The following PIK3CB variants were observed in gnomAD, a reference collection of about 807,000 sequenced individuals.
PIK3CB encodes phosphatidylinositol 4,5-bisphosphate 3-kinase catalytic subunit beta isoform.
A neutral mutation model predicts 136.8 loss-of-function variants in PIK3CB; 39 were observed. The ratio of observed to expected loss-of-function variants is 0.29; its 90% confidence interval spans 0.22 to 0.37. The LOEUF is 0.37. PIK3CB is among the 10% of genes least tolerant of loss of function. The pLI, the probability that PIK3CB is intolerant of heterozygous loss-of-function variation, is 1.00. For missense variants in PIK3CB, 868 were observed against 1,275.4 expected, an observed-to-expected ratio of 0.68 and a Z score of 4.87; for synonymous variants, 428 against 436.6, an observed-to-expected ratio of 0.98 and a Z score of 0.25.
intron 1 of PIK3CB, among the ~76,000 whole-genome samples, chr3:138,831,601 A>C (rs1412733516): frequency 6.6e-6 from 1 of 150,802 alleles, no homozygotes; most frequent in Non-Finnish European, 1.5e-5. Context: ...AAGTAAATAA[A>C]TAAAAACAAA....
chr3:138,812,619 C>T (rs1933123874), intron 1 of PIK3CB, among the ~76,000 whole-genome samples: 3 of 151,800 alleles, frequency 2.0e-5, no homozygotes, highest in South Asian at 4.2e-4. Flanking sequence ...CCCCTGACTC[C>T]CGGGTTCAAG....
chr3:138,763,634 G>T (rs2045691399), intron 2 of PIK3CB, among the ~76,000 whole-genome samples: 1 of 152,092 alleles, frequency 6.6e-6, no homozygotes, highest in Admixed American at 6.6e-5. Flanking sequence ...AAAACTCTGG[G>T]ATCTCACCCT....
intron 2 of PIK3CB, among the ~76,000 whole-genome samples, chr3:138,787,431 A>C (rs7649131): frequency 0.034 from 5,217 of 152,116 alleles, 308 homozygotes; most frequent in African/African-American, 0.12. Context: ...ATTTACAAAG[A>C]AAAAAGCCTA....
chr3:138,698,319 G>C (rs1437025776), intron 13 of PIK3CB, among the ~76,000 whole-genome samples: 1 of 152,142 alleles, frequency 6.6e-6, no homozygotes, highest in Non-Finnish European at 1.5e-5. Flanking sequence ...GCACTGGTGG[G>C]TTGTTTGAAT....
At chr3:138,825,653 C>T in intron 1 of PIK3CB, 1 of 641,496 alleles carries the variant, frequency 1.6e-6, no homozygotes, top group Non-Finnish European at 2.9e-6. Flanking sequence ...TGCATCCTAC[C>T]ACTAACTCAT....
rs576004457 is a variant in PIK3CB at position 138,698,240 on chromosome 3, T to C, written c.1770+667A>G. Among the ~76,000 whole-genome samples, 29 of 152,228 alleles carry C rather than the reference T, an allele frequency of 1.9e-4. No homozygotes were observed. In the East Asian group the frequency reaches 5.0e-3, roughly 26 times the overall value. ...ACTGAAATAAGTAACATGAAAAAATTTGGTTATTTTAGTAGACCAAATTTA... is the reference window on the plus strand; with the variant it reads ...ACTGAAATAAGTAACATGAAAAAATCTGGTTATTTTAGTAGACCAAATTTA... On this transcript the variant is annotated intron_variant, in intron 13 of 23. Transcript: ENST00000674063.
At chr3:138,792,438 A>G (rs1454649171) in intron 2 of PIK3CB, among the ~76,000 whole-genome samples, 1 of 152,074 alleles carries the variant, frequency 6.6e-6, no homozygotes, top group Non-Finnish European at 1.5e-5. Flanking sequence ...CAGTGGTAGG[A>G]TCTGGGCTCA....
At chr3:138,667,157 C>T (rs541637857) in intron 19 of PIK3CB, among the ~76,000 whole-genome samples, 5 of 144,298 alleles carry the variant, frequency 3.5e-5, no homozygotes, top group Middle Eastern at 3.7e-3. Context: ...TGCAGTAAGC[C>T]GAGATTGCGC....
intron 5 of PIK3CB, among the ~76,000 whole-genome samples, chr3:138,738,513 A>G (rs2045164406): frequency 1.3e-5 from 2 of 152,150 alleles, no homozygotes; most frequent in Non-Finnish European, 2.9e-5. Context: ...TTAAAAACTT[A>G]CACATTTCTC....
intron 2 of PIK3CB, 108 bp from the exon 3 acceptor site, chr3:138,759,467 C>T: frequency 6.2e-6 from 4 of 640,176 alleles, no homozygotes; most frequent in African/African-American, 5.4e-5. Context: ...TCAATATAGC[C>T]AATAATGTAA....
intron 8 of PIK3CB, among the ~76,000 whole-genome samples, chr3:138,724,527 A>C (rs973509301): frequency 4.6e-5 from 7 of 151,806 alleles, no homozygotes; most frequent in African/African-American, 1.7e-4. Flanking sequence ...CTCCCTCCCC[A>C]CTCCAGAAGT....
intron 13 of PIK3CB, among the ~76,000 whole-genome samples, chr3:138,696,292 C>T (rs1462693416): frequency 6.6e-6 from 1 of 151,622 alleles, no homozygotes; most frequent in Non-Finnish European, 1.5e-5. Context: ...AAGCAATCCT[C>T]CCAACTCAGC....
At chr3:138,798,013 C>T (rs1383847817) in intron 1 of PIK3CB, among the ~76,000 whole-genome samples, 1 of 152,028 alleles carries the variant, frequency 6.6e-6, no homozygotes, top group African/African-American at 2.4e-5. Context: ...CTGTGTAAAT[C>T]TCTATTCTTA....
intron 1 of PIK3CB, among the ~76,000 whole-genome samples, chr3:138,828,593 A>C (rs958135382): frequency 2.0e-5 from 3 of 152,014 alleles, no homozygotes; most frequent in African/African-American, 7.2e-5. Flanking sequence ...AAAGACCATA[A>C]ATAAATGAAC....
intron 5 of PIK3CB, among the ~76,000 whole-genome samples, chr3:138,739,375 G>A (rs1256041029): frequency 1.3e-5 from 2 of 151,944 alleles, no homozygotes; most frequent in East Asian, 1.9e-4. Flanking sequence ...CCAGGGAGTC[G>A]GAGGTTGTAG....
chr3:138,771,851 G>C (rs2045804147), intron 2 of PIK3CB, among the ~76,000 whole-genome samples: 1 of 151,440 alleles, frequency 6.6e-6, no homozygotes, highest in African/African-American at 2.4e-5. Context: ...GAGCACAGAA[G>C]GTGGAGGCTA....
intron 2 of PIK3CB, among the ~76,000 whole-genome samples, chr3:138,780,402 C>T (rs2045910776): frequency 6.6e-6 from 1 of 152,146 alleles, no homozygotes; most frequent in African/African-American, 2.4e-5. Flanking sequence ...TCCCAAGTAG[C>T]TGGGATTACA....
In PIK3CB at chr3:138,670,614, C is replaced by T. The variant is rs192780942; in HGVS notation, c.2505-5411G>A. On this transcript the variant is annotated intron_variant, in intron 19 of 23. Coordinates refer to ENST00000674063, the MANE Select transcript of PIK3CB (RefSeq NM_006219.3). ...CTGTGTGCCAATAAAATTTCATTTA[C>T]AAAAACAGGTAGCCCAGGTCCAACT... Among the ~76,000 whole-genome samples, 303 of 152,282 alleles carry T rather than the reference C, an allele frequency of 2.0e-3. 3 individuals carry two copies. The highest frequency in any genetic ancestry group is 3.8e-3 in the Admixed American group (58 of 15,296).
At chr3:138,751,992 A>T (rs1320791879) in intron 4 of PIK3CB, among the ~76,000 whole-genome samples, 1 of 143,016 alleles carries the variant, frequency 7.0e-6, no homozygotes, top group Non-Finnish European at 1.5e-5. Context: ...AAAAAAAAAA[A>T]TCCTACAGAC....
Sources: gnomAD v4.1 joint callset for allele counts (sites outside exome capture counted in the v4.1 genomes callset) on GRCh38, gnomAD v4.1.1 for gene constraint, MANE v1.5 for transcripts, NCBI Gene and HGNC (gene_info 2026-07-23, HGNC 2026-07-21) for gene names.